ATG10: variants seen among roughly 807,000 people sequenced by gnomAD.
ATG10 encodes ubiquitin-like-conjugating enzyme ATG10.
Under a neutral mutation model 32.1 loss-of-function variants are expected in ATG10, and 30 were observed. That is an observed-to-expected ratio of 0.94 (90% CI 0.70 to 1.27). The LOEUF (loss-of-function observed/expected upper bound fraction) is 1.27, where lower values mean the gene tolerates loss of function less well. Among genes scored for constraint, ATG10 ranks in the 50% most tolerant of loss-of-function variants. ATG10 has a pLI of 0.00. For missense variants in ATG10, 233 were observed against 262.3 expected (o/e 0.89, Z 0.77); for synonymous variants, 87 against 91.5 (o/e 0.95, Z 0.28).
intron 1 of ATG10, among the ~76,000 whole-genome samples, chr5:81,984,506 T>C (rs1761197450): frequency 6.6e-6 from 1 of 152,248 alleles, no homozygotes; most frequent in Non-Finnish European, 1.5e-5. Flanking sequence ...GAGAGTTCAC[T>C]TGAGTGACTG....
chr5:82,140,074 C>T (rs1004621094), intron 3 of ATG10, among the ~76,000 whole-genome samples: 1 of 139,176 alleles, frequency 7.2e-6, no homozygotes, highest in African/African-American at 2.7e-5. Flanking sequence ...GTGGGAGGGT[C>T]AGCCCTCCAC....
chr5:82,246,645 T>C (rs1325213038), intron 5 of ATG10, among the ~76,000 whole-genome samples: 3 of 152,170 alleles, frequency 2.0e-5, no homozygotes, highest in Non-Finnish European at 4.4e-5. Context: ...GTTACATTTA[T>C]GTTATAAACT....
chr5:82,086,761 G>A (rs866601692), intron 3 of ATG10, among the ~76,000 whole-genome samples: 15 of 152,152 alleles, frequency 9.9e-5, no homozygotes, highest in Non-Finnish European at 1.8e-4. Flanking sequence ...TGGTAGAAGT[G>A]GGGGAGAGAA....
Position 82,001,694 on chromosome 5 carries a change from A to T in ATG10, c.108+14016A>T, listed in dbSNP as rs144282331. 1.2e-3 allele frequency among the ~76,000 whole-genome samples: 177 copies of T among 152,356 alleles called. 2 individuals carry two copies. The Middle Eastern group carries it at 0.017, about 15-fold the overall frequency. On this transcript the variant is annotated intron_variant, in intron 2 of 7. Coordinates refer to ENST00000282185, the MANE Select transcript of ATG10 (RefSeq NM_031482.5). ...AAAAACTATAAAAACTCTGGATGAT[A>T]GCCTAGGAAATATTATTTTGGACGT...
At chr5:82,198,315 C>G (rs1744939374) in intron 5 of ATG10, among the ~76,000 whole-genome samples, 1 of 152,168 alleles carries the variant, frequency 6.6e-6, no homozygotes, top group South Asian at 2.1e-4. Flanking sequence ...AGTACGGTGA[C>G]AGGATCGTGG....
At chr5:82,138,250 G>A (rs184909026) in intron 3 of ATG10, among the ~76,000 whole-genome samples, 2 of 152,212 alleles carry the variant, frequency 1.3e-5, no homozygotes, top group East Asian at 1.9e-4. Context: ...TGTCTCACTG[G>A]TGTTCCAGGA....
intron 5 of ATG10, among the ~76,000 whole-genome samples, chr5:82,202,806 T>A (rs1293748441): frequency 6.6e-6 from 1 of 152,180 alleles, no homozygotes; most frequent in Non-Finnish European, 1.5e-5. Context: ...GCCATACTGT[T>A]CCCTTTTCCA....
intron 3 of ATG10, among the ~76,000 whole-genome samples, chr5:82,128,754 T>C (rs1442233208): frequency 6.8e-6 from 1 of 147,526 alleles, no homozygotes; most frequent in Non-Finnish European, 1.5e-5. Flanking sequence ...CTTCCCTTTG[T>C]GGGTAACCCG....
chr5:82,220,310 T>G (rs967280508), intron 5 of ATG10, among the ~76,000 whole-genome samples: 1 of 151,818 alleles, frequency 6.6e-6, no homozygotes, highest in African/African-American at 2.4e-5. Context: ...TCACCCAGGC[T>G]GGAGTGCAGT....
intron 3 of ATG10, among the ~76,000 whole-genome samples, chr5:82,125,504 T>C (rs1766229336): frequency 2.6e-5 from 4 of 152,228 alleles, no homozygotes; most frequent in Non-Finnish European, 4.4e-5. Flanking sequence ...CTAGCCAGTT[T>C]TCCCAACACC....
chr5:82,212,803 GA>G (rs58817835), intron 5 of ATG10, among the ~76,000 whole-genome samples: 2,497 of 152,270 alleles, frequency 0.016, 69 homozygotes, highest in African/African-American at 0.056. Context: ...GTAAATGTTA[GA>G]GTACCCCAGG....
chr5:81,991,403 C>T (rs533939793), intron 2 of ATG10, among the ~76,000 whole-genome samples: 6 of 152,136 alleles, frequency 3.9e-5, no homozygotes, highest in South Asian at 2.1e-4. Context: ...TAAGTTTTGA[C>T]GTATCTATAG....
intron 5 of ATG10, among the ~76,000 whole-genome samples, chr5:82,213,701 C>G (rs1745575547): frequency 6.6e-6 from 1 of 152,196 alleles, no homozygotes; most frequent in Non-Finnish European, 1.5e-5. Flanking sequence ...GTCACGCTGT[C>G]ATCTTGTCTA....
At chr5:82,160,108 A>G (rs1223568587) in intron 3 of ATG10, among the ~76,000 whole-genome samples, 1 of 152,118 alleles carries the variant, frequency 6.6e-6, no homozygotes, top group South Asian at 2.1e-4. Context: ...AGGCTTACAT[A>G]TCCACCACCA....
chr5:81,978,074 T>TG (rs1760918578), intron 1 of ATG10, among the ~76,000 whole-genome samples: 1 of 152,170 alleles, frequency 6.6e-6, no homozygotes, highest in South Asian at 2.1e-4. Context: ...GATATTGTGT[T>TG]GGTCTTTTTT....
intron 2 of ATG10, among the ~76,000 whole-genome samples, chr5:81,993,374 T>TTTCTTTC (rs776175236): frequency 5.0e-5 from 2 of 39,860 alleles, no homozygotes; most frequent in Admixed American, 2.3e-4. Context: ...TTTTCTTTTC[T>TTTCTTTC]TTTCTTTTCT....
chr5:82,064,769 A>G (rs1763887062), intron 3 of ATG10, among the ~76,000 whole-genome samples: 1 of 152,150 alleles, frequency 6.6e-6, no homozygotes, highest in Admixed American at 6.5e-5. Context: ...GGTGGATAAA[A>G]ACAGTTATAA....
chr5:82,066,481 G>T (rs1202912626), intron 3 of ATG10, among the ~76,000 whole-genome samples: 1 of 152,078 alleles, frequency 6.6e-6, no homozygotes, highest in Non-Finnish European at 1.5e-5. Flanking sequence ...TCATAAAAAT[G>T]GCAATAATAT....
chr5:81,980,320 G>A (rs554202545), intron 1 of ATG10, among the ~76,000 whole-genome samples: 1 of 152,190 alleles, frequency 6.6e-6, no homozygotes, highest in African/African-American at 2.4e-5. Flanking sequence ...TCCTGTTTAT[G>A]GTAGTTCCCC....
Sources: allele counts gnomAD v4.1 joint callset (sites outside exome capture counted in the v4.1 genomes callset), GRCh38; gene constraint gnomAD v4.1.1; transcripts MANE v1.5; gene names NCBI Gene and HGNC (gene_info 2026-07-23, HGNC 2026-07-21).